Variants in LRMDA observed in about 807,000 individuals in gnomAD.
The protein encoded by LRMDA is leucine-rich melanocyte differentiation-associated protein.
Under a neutral mutation model 29.8 loss-of-function variants are expected in LRMDA, and 18 were observed. The observed-to-expected ratio is 0.60, with a 90% CI of 0.42 to 0.90. The LOEUF (loss-of-function observed/expected upper bound fraction) is 0.90. Ranked by LOEUF, LRMDA falls within the 40% of genes least tolerant of loss-of-function variation. LRMDA has a pLI of 0.00. For missense variants in LRMDA, 273 were observed against 273.9 expected (o/e 1.00, Z 0.02); for synonymous variants, 125 against 109.4 (o/e 1.14, Z -0.89).
At chr10:75,788,755 G>C (rs1476616896) in intron 2 of LRMDA, among the ~76,000 whole-genome samples, 2 of 152,218 alleles carry the variant, frequency 1.3e-5, no homozygotes, top group Non-Finnish European at 2.9e-5. Context: ...TTGCCACACA[G>C]AATAAAATCA....
intron 2 of LRMDA, among the ~76,000 whole-genome samples, chr10:75,511,300 ACTC>A (rs1845223448): frequency 6.6e-6 from 1 of 152,160 alleles, no homozygotes; most frequent in Non-Finnish European, 1.5e-5. Flanking sequence ...GTGCCATCAC[ACTC>A]CAGCCTGGGC....
chr10:75,968,095 G>C (rs193292824), intron 2 of LRMDA, among the ~76,000 whole-genome samples: 1 of 151,976 alleles, frequency 6.6e-6, no homozygotes, highest in African/African-American at 2.4e-5. Context: ...GGGCTTGTTG[G>C]CTCTGCAGTG....
chr10:75,956,433 G>A (rs1285088185), intron 2 of LRMDA, among the ~76,000 whole-genome samples: 1 of 152,144 alleles, frequency 6.6e-6, no homozygotes, highest in East Asian at 1.9e-4. Flanking sequence ...AAATGGGGCT[G>A]GTGTCAGCTA....
intron 2 of LRMDA, among the ~76,000 whole-genome samples, chr10:76,029,331 T>C (rs2132499639): frequency 6.6e-6 from 1 of 152,236 alleles, no homozygotes; most frequent in East Asian, 1.9e-4. Context: ...TATAAATAAA[T>C]GAAATACCAA....
At chr10:75,491,475 C>A (rs1243155800) in intron 2 of LRMDA, among the ~76,000 whole-genome samples, 1 of 152,008 alleles carries the variant, frequency 6.6e-6, no homozygotes, top group African/African-American at 2.4e-5. Context: ...TTTTCTTGGC[C>A]CTTTGTTATG....
intron 6 of LRMDA, among the ~76,000 whole-genome samples, chr10:76,542,381 C>T (rs1374976296): frequency 6.6e-6 from 1 of 151,970 alleles, no homozygotes; most frequent in Non-Finnish European, 1.5e-5. Context: ...ATGGATATTG[C>T]ACATCATATA....
At chr10:76,408,629 T>C (rs1841927105) in intron 6 of LRMDA, among the ~76,000 whole-genome samples, 1 of 152,236 alleles carries the variant, frequency 6.6e-6, no homozygotes, top group Non-Finnish European at 1.5e-5. Flanking sequence ...GATCAAACTG[T>C]CCAGTTTTTG....
intron 5 of LRMDA, among the ~76,000 whole-genome samples, chr10:76,082,997 C>G (rs1330028010): frequency 5.3e-5 from 8 of 152,140 alleles, no homozygotes; most frequent in Non-Finnish European, 1.2e-4. Flanking sequence ...TACTGAGCAA[C>G]AATTAGAAGC....
chr10:76,376,908 C>T (rs546257452), intron 6 of LRMDA, among the ~76,000 whole-genome samples: 7 of 69,702 alleles, frequency 1.0e-4, no homozygotes, highest in South Asian at 5.7e-4. Context: ...TTTTTTGAGA[C>T]GTAGTCTCGC....
rs567060557 is a variant in LRMDA at position 76,034,809 on chromosome 10, G to A, written c.132-1199G>A. On this transcript the variant is annotated intron_variant, in intron 2 of 6. Coordinates refer to ENST00000611255, the MANE Select transcript of LRMDA (RefSeq NM_001305581.2). Reference sequence around the variant, plus strand: ...TTTGTCACATTTTATAGAATAGCCCGGCATCCCCTACGTGTCTCCCTCCCG... The same window carrying A: ...TTTGTCACATTTTATAGAATAGCCCAGCATCCCCTACGTGTCTCCCTCCCG... Among the ~76,000 whole-genome samples, 410 of 152,154 alleles carry A rather than the reference G, an allele frequency of 2.7e-3. 3 individuals are homozygous for A. Among genetic ancestry groups the A allele is most frequent in the African/African-American group, 9.6e-3 (398 of 41,502 alleles).
intron 5 of LRMDA, among the ~76,000 whole-genome samples, chr10:76,241,537 A>G (rs1852277295): frequency 6.6e-6 from 1 of 152,174 alleles, no homozygotes. Context: ...TTCTCACAGC[A>G]GATAACTTGG....
intron 2 of LRMDA, chr10:75,451,806 G>A (rs1467058786): frequency 2.6e-5 from 4 of 152,010 alleles, no homozygotes; most frequent in Non-Finnish European, 5.9e-5. Context: ...TGCAGCTAAG[G>A]CGAGGCAGGA....
chr10:76,462,972 A>G (rs902159395), intron 6 of LRMDA, among the ~76,000 whole-genome samples: 4 of 152,212 alleles, frequency 2.6e-5, no homozygotes, highest in Non-Finnish European at 4.4e-5. Context: ...CAGAGCCACA[A>G]TGCATAAAGC....
At chr10:76,335,565 G>T (rs189298395) in intron 6 of LRMDA, among the ~76,000 whole-genome samples, 2 of 152,284 alleles carry the variant, frequency 1.3e-5, no homozygotes, top group Middle Eastern at 3.4e-3. Context: ...GGTGGTCTGG[G>T]TATGGCATGG....
intron 2 of LRMDA, among the ~76,000 whole-genome samples, chr10:75,741,039 G>A (rs1034799415): frequency 6.6e-6 from 1 of 152,172 alleles, no homozygotes; most frequent in Non-Finnish European, 1.5e-5. Context: ...GGATTGCTCT[G>A]TAATAGACTA....
chr10:76,364,619 AT>A (rs1841366924), intron 6 of LRMDA, among the ~76,000 whole-genome samples: 1 of 152,102 alleles, frequency 6.6e-6, no homozygotes, highest in Non-Finnish European at 1.5e-5. Flanking sequence ...AAGGATATTA[AT>A]TAAATCTTTG....
chr10:75,646,369 C>T (rs564396021), intron 2 of LRMDA, among the ~76,000 whole-genome samples: 19 of 152,282 alleles, frequency 1.2e-4, no homozygotes, highest in African/African-American at 3.9e-4. Context: ...CTCACACTGC[C>T]CTTGCCAGAA....
chr10:75,908,244 A>T (rs1023391941), intron 2 of LRMDA, among the ~76,000 whole-genome samples: 1 of 152,208 alleles, frequency 6.6e-6, no homozygotes, highest in Non-Finnish European at 1.5e-5. Flanking sequence ...TCACTGATGC[A>T]GATACTGACT....
At chr10:75,904,336 T>C (rs1845724299) in intron 2 of LRMDA, among the ~76,000 whole-genome samples, 1 of 152,190 alleles carries the variant, frequency 6.6e-6, no homozygotes, top group African/African-American at 2.4e-5. Flanking sequence ...AGGCAAGAAG[T>C]ATAAAGTCTT....
Sources: gnomAD v4.1 joint callset for allele counts (sites outside exome capture counted in the v4.1 genomes callset) on GRCh38, gnomAD v4.1.1 for gene constraint, MANE v1.5 for transcripts, NCBI Gene and HGNC (gene_info 2026-07-23, HGNC 2026-07-21) for gene names.